The following DOCK9 variants were observed in gnomAD, a reference collection of about 807,000 sequenced individuals.
DOCK9 encodes dedicator of cytokinesis protein 9.
In DOCK9, 89 loss-of-function variants were observed where a neutral mutation model predicts 263.3. The observed-to-expected ratio is 0.34, with a 90% CI of 0.28 to 0.40. The LOEUF (loss-of-function observed/expected upper bound fraction) is 0.40. Ranked by LOEUF, DOCK9 falls within the 10% of genes least tolerant of loss-of-function variation. DOCK9 has a pLI of 1.00. For missense variants in DOCK9, 2,140 were observed against 2,603.4 expected (o/e 0.82, Z 3.87); for synonymous variants, 976 against 973.1 (o/e 1.00, Z -0.06).
At chr13:99,069,104 T>C (rs2041559575) in intron 1 of DOCK9, among the ~76,000 whole-genome samples, 1 of 152,202 alleles carries the variant, frequency 6.6e-6, no homozygotes, top group Admixed American at 6.5e-5. Context: ...CAGAGCTTAT[T>C]CTACACTAAC....
intron 1 of DOCK9, among the ~76,000 whole-genome samples, chr13:99,072,632 T>C (rs896173223): frequency 6.6e-6 from 1 of 152,164 alleles, no homozygotes; most frequent in African/African-American, 2.4e-5. Context: ...CCTGAGGCTT[T>C]AGTCAGATAA....
At chr13:98,907,346 T>A (rs2049268635) in intron 9 of DOCK9, among the ~76,000 whole-genome samples, 3 of 152,228 alleles carry the variant, frequency 2.0e-5, no homozygotes, top group Admixed American at 1.3e-4. Context: ...AGTGGGTTCT[T>A]AATGTAGATG....
intron 49 of DOCK9, among the ~76,000 whole-genome samples, 185 bp downstream of exon 49, chr13:98,804,814 A>G (rs767600302): frequency 1.3e-5 from 2 of 152,240 alleles, no homozygotes; most frequent in Non-Finnish European, 2.9e-5. Flanking sequence ...AAGTGTCAAC[A>G]GATCAACAGA....
rs1467165020 is a variant in DOCK9, at chr13:98,805,072, C to T, written c.5652G>A (p.Glu1884=). The stretch of plus-strand genomic sequence containing the variant: ...TCTTCCCGGTCTGCGTAAATGGCAT[C>T]TCAAACATGAAGCGGCGGATGTTGT... The part of the protein sequence containing the change: ...RSHNIRRFMF[E]MPFTQTGKRQ... Residue 1884 remains glutamate (E), a synonymous_variant, in exon 49 of 53, where the codon GAG becomes GAA. Transcript: ENST00000682017. The T allele has an allele frequency of 6.2e-7, 1 of 1,612,404 alleles. No homozygotes were observed. Among genetic ancestry groups the T allele is most frequent in the Admixed American group, 1.7e-5 (1 of 59,830 alleles).
At chr13:98,902,171 TAAGA>T (rs2048380978) in intron 12 of DOCK9, 113 bp downstream of exon 12, 1 of 1,106,480 alleles carries the variant, frequency 9.0e-7, no homozygotes, top group Non-Finnish European at 1.3e-6. Context: ...TACTATTAAT[TAAGA>T]GTCTAATGAC....
chr13:98,807,793 A>G lies in DOCK9; in HGVS notation c.5382T>C (p.Asp1794=). Reference sequence around the variant, plus strand: ...TGTAAATATACTCCTTTCCATCTTCATCTTCAAAGAATCCCTGTGACATAA... The same window carrying G: ...TGTAAATATACTCCTTTCCATCTTCGTCTTCAAAGAATCCCTGTGACATAA... The part of the protein sequence containing the change: ...VAFFGQGFFE[D]EDGKEYIYKE... The change falls in exon 48 of 53, where the codon GAT becomes GAC. Residue 1794 remains aspartate (D), a synonymous_variant. Coordinates refer to ENST00000682017, the MANE Select transcript of DOCK9 (RefSeq NM_001366683.2). The G allele has an allele frequency of 3.1e-6, 5 of 1,610,152 alleles. No individual in the cohort carries two copies. In the African/African-American group the frequency reaches 6.7e-5, roughly 21 times the overall value.
chr13:98,929,155 A>G (rs547655242), intron 3 of DOCK9, among the ~76,000 whole-genome samples: 1 of 152,216 alleles, frequency 6.6e-6, no homozygotes, highest in Non-Finnish European at 1.5e-5. Context: ...ACAAAATTAA[A>G]ACATCTAATT....
intron 45 of DOCK9, among the ~76,000 whole-genome samples, chr13:98,810,612 TG>T (rs1385757059): frequency 6.6e-6 from 1 of 152,212 alleles, no homozygotes; most frequent in East Asian, 1.9e-4. Context: ...TGTTCCTAGT[TG>T]TCTTAATAAA....
chr13:99,021,663 G>A (rs1886127773), intron 1 of DOCK9, among the ~76,000 whole-genome samples: 1 of 148,322 alleles, frequency 6.7e-6, no homozygotes, highest in Non-Finnish European at 1.5e-5. Context: ...AAAAAAGAGG[G>A]AAATGGGGAT....
intron 9 of DOCK9, 140 bp downstream of exon 9, chr13:98,914,188 C>T (rs543870221): frequency 2.8e-5 from 20 of 703,216 alleles, no homozygotes; most frequent in Middle Eastern, 2.6e-4. Flanking sequence ...CACGTCACCT[C>T]GTAATCAGGT....
chr13:98,809,192 A>G, intron 47 of DOCK9, 160 bp downstream of exon 47: 5 of 1,355,216 alleles, frequency 3.7e-6, no homozygotes, highest in Non-Finnish European at 5.1e-6. Flanking sequence ...ACTACTGAGG[A>G]AGATAAGAAT....
intron 1 of DOCK9, among the ~76,000 whole-genome samples, chr13:99,002,976 C>T (rs551096589): frequency 5.2e-5 from 6 of 116,046 alleles, no homozygotes; most frequent in African/African-American, 1.8e-4. Flanking sequence ...ATGGAAACGG[C>T]ATGATAACTA....
At chr13:99,023,114 T>C (rs749230694) in intron 1 of DOCK9, among the ~76,000 whole-genome samples, 2 of 152,200 alleles carry the variant, frequency 1.3e-5, no homozygotes, top group East Asian at 1.9e-4. Context: ...CCTCTGGGAA[T>C]AGACACAAAA....
At chr13:98,976,496 T>G (rs1211170906) in intron 1 of DOCK9, among the ~76,000 whole-genome samples, 2 of 152,208 alleles carry the variant, frequency 1.3e-5, no homozygotes, top group Non-Finnish European at 2.9e-5. Context: ...TTTAAGAATA[T>G]TCACAAGGGA....
At chr13:98,887,130 T>C (rs2045834949) in intron 18 of DOCK9, among the ~76,000 whole-genome samples, 2 of 60,438 alleles carry the variant, frequency 3.3e-5, no homozygotes, top group African/African-American at 1.3e-4. Context: ...ATATTTTATA[T>C]ATATATATAT....
chr13:99,052,216 T>C (rs532316090), intron 1 of DOCK9, among the ~76,000 whole-genome samples: 1 of 152,306 alleles, frequency 6.6e-6, no homozygotes, highest in Admixed American at 6.5e-5. Context: ...GCAGTGGATA[T>C]GCAGCAAAGG....
At chr13:98,838,417 G>A (rs995894654) in intron 38 of DOCK9, among the ~76,000 whole-genome samples, 8 of 152,208 alleles carry the variant, frequency 5.3e-5, no homozygotes, top group Non-Finnish European at 4.4e-5. Context: ...CAGCAAGCTC[G>A]TGAATGATAA....
intron 35 of DOCK9, among the ~76,000 whole-genome samples, chr13:98,852,298 C>T (rs988248830): frequency 3.7e-4 from 57 of 152,120 alleles, no homozygotes; most frequent in African/African-American, 1.4e-3. Context: ...AACTCTTGCT[C>T]GTCTGTTCTT....
intron 1 of DOCK9, among the ~76,000 whole-genome samples, chr13:98,975,191 C>T (rs1477738823): frequency 6.6e-6 from 1 of 152,048 alleles, no homozygotes; most frequent in African/African-American, 2.4e-5. Context: ...CTGGCCTGAC[C>T]AACATGATGA....
Sources: gnomAD v4.1 joint callset for allele counts (sites outside exome capture counted in the v4.1 genomes callset) on GRCh38, gnomAD v4.1.1 for gene constraint, MANE v1.5 for transcripts, NCBI Gene and HGNC (gene_info 2026-07-23, HGNC 2026-07-21) for gene names.